Variants in LAMB4 observed in about 807,000 individuals in gnomAD.
LAMB4 encodes the protein laminin subunit beta 4.
Under a neutral mutation model 199.2 loss-of-function variants are expected in LAMB4, and 196 were observed. The ratio of observed to expected loss-of-function variants is 0.98; its 90% CI spans 0.88 to 1.11. The LOEUF is 1.11. LAMB4 is among the 50% of genes least tolerant of loss of function. LAMB4 has a pLI of 0.00. For synonymous variants in LAMB4, 744 were observed against 770.6 expected (o/e 0.97, Z 0.57); for missense variants, 2,080 against 2,171.2 (o/e 0.96, Z 0.83).
intron 14 of LAMB4, among the ~76,000 whole-genome samples, chr7:108,088,753 C>T (rs2037284984): frequency 6.6e-6 from 1 of 152,190 alleles, no homozygotes; most frequent in Admixed American, 6.5e-5. Flanking sequence ...AAATGGGCTT[C>T]ACTTCTGTTA....
intron 3 of LAMB4, 108 bp downstream of exon 3, chr7:108,115,895 TA>T (rs2038387444): frequency 8.3e-7 from 1 of 1,211,994 alleles, no homozygotes; most frequent in African/African-American, 1.5e-5. Context: ...CTCCATTGTT[TA>T]AAAAGGAAGT....
chr7:108,106,479 C>T, intron 7 of LAMB4, 30 bp downstream of exon 7: 1 of 1,313,444 alleles, frequency 7.6e-7, no homozygotes, highest in Non-Finnish European at 1.1e-6. Context: ...TTTTTTAAAG[C>T]TGATATGAAA....
intron 18 of LAMB4, among the ~76,000 whole-genome samples, chr7:108,069,466 T>C (rs2036456528): frequency 1.3e-5 from 2 of 152,236 alleles, no homozygotes; most frequent in Non-Finnish European, 2.9e-5. Flanking sequence ...CAAATGAATA[T>C]TTTAGGATCA....
chr7:108,018,845 G>A (rs555337806), downstream of LAMB4, among the ~76,000 whole-genome samples: 1 of 152,254 alleles, frequency 6.6e-6, no homozygotes, highest in South Asian at 2.1e-4. Context: ...TATCTTTTAT[G>A]GCTTTCATCC....
intron 10 of LAMB4, among the ~76,000 whole-genome samples, chr7:108,098,939 C>T (rs1016290660): frequency 1.3e-5 from 2 of 152,276 alleles, no homozygotes; most frequent in Non-Finnish European, 2.9e-5. Flanking sequence ...GGCTGCACAA[C>T]ATTGTGCTGG....
At chr7:108,031,565 T>C (rs1340740014) in intron 31 of LAMB4, among the ~76,000 whole-genome samples, 1 of 152,042 alleles carries the variant, frequency 6.6e-6, no homozygotes, top group Admixed American at 6.6e-5. Flanking sequence ...TGTATCTCTA[T>C]AGCATTTTTT....
In LAMB4 at chr7:108,057,916, AC is replaced by A; in HGVS notation, c.3294del (p.Gln1098HisfsTer6). 3.7e-6 allele frequency: 6 copies of A among 1,612,752 alleles called. No individual in the cohort carries two copies. The highest frequency in any genetic ancestry group is 5.1e-6 in the Non-Finnish European group (6 of 1,178,742). On this transcript the variant is annotated frameshift_variant, in exon 24 of 34. Coordinates refer to ENST00000388781, the MANE Select transcript of LAMB4 (RefSeq NM_007356.3). LOFTEE classifies it high-confidence loss of function. Reference sequence around the variant, plus strand: ...CCGCCGTAACCTAATTTACACGGACACTGGCCTGTAAGCTGTGAGAACAGTC... The same window carrying A: ...CCGCCGTAACCTAATTTACACGGACATGGCCTGTAAGCTGTGAGAACAGTC... ...QSSHCDQLTG[Q>X]CPCKLGYGGK...
chr7:108,115,409 C>T (rs915994381), intron 3 of LAMB4, among the ~76,000 whole-genome samples: 2 of 152,156 alleles, frequency 1.3e-5, no homozygotes, highest in Non-Finnish European at 2.9e-5. Context: ...GTGGCTTAGC[C>T]TGTAATCCCA....
chr7:108,074,410 C>G (rs1261533900), intron 17 of LAMB4, among the ~76,000 whole-genome samples: 1 of 152,058 alleles, frequency 6.6e-6, no homozygotes, highest in East Asian at 1.9e-4. Context: ...GCTCTGTCGC[C>G]CAGGCTGGAT....
At chr7:108,032,215 C>T (rs1179862421) in intron 31 of LAMB4, among the ~76,000 whole-genome samples, 1 of 152,046 alleles carries the variant, frequency 6.6e-6, no homozygotes, top group Admixed American at 6.5e-5. Context: ...CATGGCGAAA[C>T]CTCGTCTCTT....
rs745444543 is a variant in LAMB4 at position 108,078,308 on chromosome 7, A to C, written c.1896T>G (p.Ala632=). The change falls in exon 16 of 34, where the codon GCT becomes GCG. Residue 632 remains alanine, a synonymous_variant. Coordinates refer to ENST00000388781, the MANE Select transcript of LAMB4 (RefSeq NM_007356.3). The part of the protein sequence containing the change: ...IAIHYETQSA[A]DWTVQIVVNP... ...TCACCACAATCTGGACAGTCCAGTC[A>C]GCTGCAGACTAGACAGGCATGACAT... The C allele has an allele frequency of 6.3e-6, 10 of 1,596,906 alleles. No individual in the cohort carries two copies. The South Asian group carries it at 1.0e-4, about 16-fold the overall frequency.
At chr7:108,096,566 C>A (rs1446243419) in intron 11 of LAMB4, among the ~76,000 whole-genome samples, 1 of 151,998 alleles carries the variant, frequency 6.6e-6, no homozygotes, top group Admixed American at 6.6e-5. Context: ...GATGATTACA[C>A]AACTTCCAAT....
rs201664332 is a variant in LAMB4, at chr7:108,107,788, C to T, written c.434G>A (p.Arg145His). ...TFRPAAMLVERSTDYGHNWKV... is the reference protein window; with the variant it reads ...TFRPAAMLVEHSTDYGHNWKV... ...CCAGTTGTGTCCATAGTCTGTGGAA[C>T]GTTCAACTAACATTGCAGCAGGCCG... The change falls in exon 6 of 34, where the codon CGT (arginine) becomes CAT (histidine). Residue 145 changes from arginine (R) to histidine (H), a missense_variant. Physicochemically the swap from Arg to His is conservative, Grantham distance 29. Transcript: ENST00000388781. The T allele has an allele frequency of 1.0e-4, 165 of 1,600,228 alleles. No homozygotes were observed. Among genetic ancestry groups the T allele is most frequent in the Non-Finnish European group, 1.2e-4 (145 of 1,176,662 alleles).
intron 9 of LAMB4, among the ~76,000 whole-genome samples, chr7:108,104,276 G>C (rs1410481398): frequency 7.5e-6 from 1 of 134,206 alleles, no homozygotes; most frequent in Non-Finnish European, 1.7e-5. Context: ...CATGCTTACT[G>C]TTTCATTTTT....
chr7:108,052,104 G>A lies in LAMB4; in HGVS notation c.3909C>T (p.Ser1303=), dbSNP rs745923849. The change falls in exon 26 of 34, where the codon AGC becomes AGT. Residue 1303 remains serine, a synonymous_variant. Transcript: ENST00000388781. The part of the protein sequence containing the change: ...IDLQSSVLNA[S]IADSSENIKK... Reference sequence around the variant, plus strand: ...AATACATTTTTCCCTTACCCGCAATGCTTGCATTAAGGACACTGGATTGCA... The same window carrying A: ...AATACATTTTTCCCTTACCCGCAATACTTGCATTAAGGACACTGGATTGCA... 4 of 1,602,528 alleles carry A rather than the reference G, an allele frequency of 2.5e-6. No homozygotes were observed. Among genetic ancestry groups the A allele is most frequent in the Admixed American group, 3.4e-5 (2 of 58,190 alleles).
At chr7:108,076,056 T>G (rs2036689826) in intron 17 of LAMB4, 1 of 152,744 alleles carries the variant, frequency 6.5e-6, no homozygotes, top group South Asian at 2.1e-4. Context: ...GGAAAATATT[T>G]TAAAATATTT....
intron 13 of LAMB4, among the ~76,000 whole-genome samples, 164 bp downstream of exon 13, chr7:108,092,173 T>C (rs983283220): frequency 1.3e-4 from 20 of 152,206 alleles, no homozygotes; most frequent in Non-Finnish European, 2.4e-4. Context: ...TACCTCACCC[T>C]TGGAAATATT....
At chr7:108,090,460 G>A (rs1414714686) in intron 14 of LAMB4, among the ~76,000 whole-genome samples, 1 of 151,996 alleles carries the variant, frequency 6.6e-6, no homozygotes, top group Admixed American at 6.6e-5. Context: ...CTTAAGCCAT[G>A]GAGGGAGTAG....
chr7:108,112,828 A>G (rs954112631), intron 3 of LAMB4, among the ~76,000 whole-genome samples: 2 of 152,170 alleles, frequency 1.3e-5, no homozygotes, highest in Non-Finnish European at 1.5e-5. Flanking sequence ...TGTGCTGGAA[A>G]TTGCCTACAA....
Sources: gnomAD v4.1 joint callset for allele counts (sites outside exome capture counted in the v4.1 genomes callset) on GRCh38, gnomAD v4.1.1 for gene constraint, MANE v1.5 for transcripts, NCBI Gene and HGNC (gene_info 2026-07-23, HGNC 2026-07-21) for gene names.